Variants in DNAAF9 observed in about 807,000 individuals in gnomAD.
The protein encoded by DNAAF9 is dynein axonemal assembly factor 9.
Under a neutral mutation model 167.0 loss-of-function variants are expected in DNAAF9, and 90 were observed. The observed-to-expected ratio is 0.54, with a 90% CI of 0.45 to 0.64. The LOEUF is 0.64. Ranked by LOEUF, DNAAF9 falls within the 30% of genes least tolerant of loss-of-function variation. The pLI is 0.00. For missense variants in DNAAF9, 1,315 were observed against 1,442.2 expected (o/e 0.91, Z 1.43); for synonymous variants, 491 against 508.8 (o/e 0.96, Z 0.47).
At position 3,264,444 on chromosome 20, in the gene DNAAF9, G is replaced by T; in HGVS notation, c.2867C>A (p.Pro956His). ...EMLRSRYLMY[P>H]GWYEGKLNAG... ...TTTCAATGATGATACTTGCCAGCCA[G>T]GATACATTAAATATCGAGATCGTAG... is the stretch of plus-strand genomic sequence containing the variant. Residue 956 changes from proline to histidine, a missense_variant, in exon 31 of 37, where the codon CCT becomes CAT. Physicochemically the swap from Pro to His is moderately conservative, Grantham distance 77. This residue lies in a region of DNAAF9 where 334 missense variants were observed against 429.7 expected (regional missense o/e 0.78). Coordinates refer to ENST00000252032, the MANE Select transcript of DNAAF9 (RefSeq NM_001009984.3). The T allele has an allele frequency of 7.0e-7, 1 of 1,427,136 alleles. No individual in the cohort carries two copies. Among genetic ancestry groups the T allele is most frequent in the Non-Finnish European group, 9.9e-7 (1 of 1,010,584 alleles). 88.4% of individuals were successfully genotyped at this position (1,427,136 alleles called of 1,614,324 possible).
chr20:3,345,096 G>A (rs1416845507), intron 8 of DNAAF9, among the ~76,000 whole-genome samples: 1 of 152,104 alleles, frequency 6.6e-6, no homozygotes, highest in African/African-American at 2.4e-5. Flanking sequence ...TCAGCTTACT[G>A]CAACTTTCGC....
At position 3,407,645 on chromosome 20, in the gene DNAAF9, G is replaced by C. The variant is rs2084084368; in HGVS notation, c.-88C>G. ...GGCGGCTCCACGCTAGCTGCGGCCG[G>C]GCGGGGCGGCAGGGCGTGCCGGGTG... On this transcript the variant is annotated 5_prime_UTR_variant, in exon 1 of 37. Transcript: ENST00000252032. 2 of 1,146,890 alleles carry C rather than the reference G, an allele frequency of 1.7e-6. No individual in the cohort carries two copies. Among genetic ancestry groups the C allele is most frequent in the Non-Finnish European group, 1.1e-6 (1 of 933,740 alleles). The allele number at this position is 1,146,890 out of a possible 1,614,324, so 71.0% of individuals were successfully genotyped here.
rs567618620 is a variant in DNAAF9 at position 3,312,912 on chromosome 20, T to C, written c.1678+2121A>G. On this transcript the variant is annotated intron_variant, in intron 20 of 36. Coordinates refer to ENST00000252032, the MANE Select transcript of DNAAF9 (RefSeq NM_001009984.3). ...AGATTCCCCTCAGCAACAAAGAAAG[T>C]TTAAAATTTAAGTTATCAAAAGACT... Among the ~76,000 whole-genome samples the C allele has an allele frequency of 4.6e-5, 7 of 152,284 alleles. No individual in the cohort carries two copies. In the East Asian group the frequency reaches 1.2e-3, roughly 25 times the overall value.
intron 8 of DNAAF9, among the ~76,000 whole-genome samples, chr20:3,347,870 C>T (rs751065981): frequency 3.3e-5 from 5 of 151,890 alleles, no homozygotes; most frequent in Non-Finnish European, 5.9e-5. Context: ...TGCAGTGCAC[C>T]GAGATCATGC....
rs1262664628 is a variant in DNAAF9 at position 3,407,547 on chromosome 20, T to C, written c.11A>G (p.Tyr4Cys). The change falls in exon 1 of 37, where the codon TAC becomes TGC. Residue 4 changes from tyrosine (Y) to cysteine (C), a missense_variant. Around this residue, in one of 2 missense-constraint regions of DNAAF9, gnomAD observed 981 missense variants for 1,012.5 expected, o/e 0.97. Coordinates refer to ENST00000252032, the MANE Select transcript of DNAAF9 (RefSeq NM_001009984.3). MDV[Y>C]PPRRQGLPRA... ...GGGCAGCCCCTGCCGGCGCGGGGGG[T>C]ACACGTCCATGGCGGCGGACGACTG... The C allele has an allele frequency of 8.0e-7, 1 of 1,249,256 alleles. No individual in the cohort carries two copies. Among genetic ancestry groups the C allele is most frequent in the East Asian group, 3.2e-5 (1 of 31,376 alleles). 77.4% of individuals were successfully genotyped at this position (1,249,256 alleles called of 1,614,324 possible).
In DNAAF9 at chr20:3,389,985, A is replaced by G. The variant is rs536991324; in HGVS notation, c.84-7479T>C. ...TGGAAGGCAGAGGCTGCAGTGAGCC[A>G]AGATCACGCCACTGTACTCCAGCCT... On this transcript the variant is annotated intron_variant, in intron 1 of 36. Transcript: ENST00000252032. Among the ~76,000 whole-genome samples, 4 of 152,006 alleles carry G rather than the reference A, an allele frequency of 2.6e-5. No individual in the cohort carries two copies. In the South Asian group the frequency reaches 8.3e-4, roughly 32 times the overall value.
chr20:3,394,616 A>T (rs2083873535), intron 1 of DNAAF9, among the ~76,000 whole-genome samples: 1 of 152,118 alleles, frequency 6.6e-6, no homozygotes, highest in Non-Finnish European at 1.5e-5. Context: ...GAATTTTTTT[A>T]CTTTCGTGAA....
intron 1 of DNAAF9, among the ~76,000 whole-genome samples, chr20:3,402,507 T>G (rs2084001375): frequency 6.6e-6 from 1 of 152,180 alleles, no homozygotes; most frequent in Non-Finnish European, 1.5e-5. Flanking sequence ...TTATATATCC[T>G]TCAATCAACA....
At chr20:3,337,212 T>C (rs2069974478) in intron 10 of DNAAF9, among the ~76,000 whole-genome samples, 1 of 151,804 alleles carries the variant, frequency 6.6e-6, no homozygotes, top group Non-Finnish European at 1.5e-5. Context: ...TTCTATTTCG[T>C]TGTTGAAACT....
intron 1 of DNAAF9, among the ~76,000 whole-genome samples, chr20:3,401,355 G>A (rs1055989958): frequency 8.6e-5 from 13 of 151,946 alleles, no homozygotes; most frequent in African/African-American, 2.9e-4. Flanking sequence ...ACAGGCACCC[G>A]TCACTAGGCC....
chr20:3,402,568 T>C (rs1416499129), intron 1 of DNAAF9, among the ~76,000 whole-genome samples: 1 of 151,946 alleles, frequency 6.6e-6, no homozygotes, highest in Admixed American at 6.6e-5. Flanking sequence ...TCTCTACTTC[T>C]ATAAGATCAA....
At chr20:3,278,591 T>C (rs938687359) in intron 29 of DNAAF9, among the ~76,000 whole-genome samples, 3 of 152,090 alleles carry the variant, frequency 2.0e-5, no homozygotes, top group Non-Finnish European at 4.4e-5. Context: ...TGGTGGTACA[T>C]GCTTGTAATC....
rs147383719 is a variant in DNAAF9 at position 3,307,750 on chromosome 20, G to C, written c.1679-3207C>G. Among the ~76,000 whole-genome samples the C allele has an allele frequency of 6.6e-4, 100 of 152,172 alleles. 3 individuals are homozygous for C. In the East Asian group the frequency reaches 0.017, roughly 26 times the overall value. On this transcript the variant is annotated intron_variant, in intron 20 of 36. Coordinates refer to ENST00000252032, the MANE Select transcript of DNAAF9 (RefSeq NM_001009984.3). ...GTATCCCTGGAAGTCCAACAAAAGA[G>C]GGATGGGCCCTCAGGGTAAACCAAA... is the stretch of plus-strand genomic sequence containing the variant.
At chr20:3,269,697 G>T (rs183007168) in intron 30 of DNAAF9, among the ~76,000 whole-genome samples, 1 of 152,166 alleles carries the variant, frequency 6.6e-6, no homozygotes. Flanking sequence ...CCTCACGCCT[G>T]TAATCCCAGC....
intron 1 of DNAAF9, among the ~76,000 whole-genome samples, chr20:3,402,617 G>A (rs183078793): frequency 1.3e-5 from 2 of 150,112 alleles, no homozygotes; most frequent in African/African-American, 4.9e-5. Context: ...TCACTCTGTT[G>A]CCCAGGCTGG....
chr20:3,289,562 C>T (rs1388435269), intron 26 of DNAAF9, among the ~76,000 whole-genome samples: 4 of 152,086 alleles, frequency 2.6e-5, no homozygotes, highest in Non-Finnish European at 5.9e-5. Flanking sequence ...CTCTGTTGCC[C>T]AGGCTGGGAT....
At chr20:3,295,308 T>C (rs1283326332) in intron 23 of DNAAF9, among the ~76,000 whole-genome samples, 2 of 151,958 alleles carry the variant, frequency 1.3e-5, no homozygotes, top group Non-Finnish European at 2.9e-5. Context: ...GCCTCCCCAG[T>C]AGCTGGGATT....
intron 6 of DNAAF9, chr20:3,361,869 T>C: frequency 6.8e-7 from 1 of 1,463,760 alleles, no homozygotes; most frequent in Non-Finnish European, 9.5e-7. Context: ...GCCTGTGGTT[T>C]TTCTTTTTGG....
intron 31 of DNAAF9, among the ~76,000 whole-genome samples, chr20:3,263,406 C>T (rs765720632): frequency 6.6e-6 from 1 of 152,142 alleles, no homozygotes; most frequent in Non-Finnish European, 1.5e-5. Flanking sequence ...TCTGGCCAAG[C>T]TTTAACAATG....
Sources: gnomAD v4.1 joint callset for allele counts (sites outside exome capture counted in the v4.1 genomes callset) on GRCh38, gnomAD v4.1.1 for gene constraint, gnomAD v4.1.1 regional missense constraint, MANE v1.5 for transcripts, NCBI Gene and HGNC (gene_info 2026-07-23, HGNC 2026-07-21) for gene names.